The following ADPGK variants were observed in gnomAD, a reference collection of about 807,000 sequenced individuals.
The protein encoded by ADPGK is ADP dependent glucokinase, also known as ADP-dependent glucokinase.
Under a neutral mutation model 42.4 loss-of-function variants are expected in ADPGK, and 26 were observed. The observed-to-expected ratio is 0.61, with a 90% CI of 0.45 to 0.85. The LOEUF is 0.85. ADPGK is among the 40% of genes least tolerant of loss of function. The pLI, the probability that ADPGK is intolerant of heterozygous loss-of-function variation, is 0.00. For synonymous variants in ADPGK, 267 were observed against 252.6 expected (o/e 1.06, Z -0.54); for missense variants, 571 against 627.0 (o/e 0.91, Z 0.95).
intron 3 of ADPGK, among the ~76,000 whole-genome samples, chr15:72,767,325 T>A (rs1396225385): frequency 6.7e-6 from 1 of 149,842 alleles, no homozygotes; most frequent in Non-Finnish European, 1.5e-5. Flanking sequence ...TAGACAAGTA[T>A]CCAAAATTAC....
At chr15:72,779,872 C>G (rs2066435567) in intron 1 of ADPGK, among the ~76,000 whole-genome samples, 1 of 152,224 alleles carries the variant, frequency 6.6e-6, no homozygotes, top group African/African-American at 2.4e-5. Flanking sequence ...GAAGCTTCAT[C>G]TGAAATCCCA....
At chr15:72,760,831 C>T (rs2066183635) in intron 3 of ADPGK, among the ~76,000 whole-genome samples, 1 of 152,088 alleles carries the variant, frequency 6.6e-6, no homozygotes, top group Admixed American at 6.5e-5. Flanking sequence ...GCGGACTGCA[C>T]GTTTGTGTCA....
chr15:72,775,442 C>A (rs1286743446), intron 1 of ADPGK, among the ~76,000 whole-genome samples: 1 of 152,134 alleles, frequency 6.6e-6, no homozygotes, highest in Non-Finnish European at 1.5e-5. Flanking sequence ...TCATGCTGGC[C>A]GTGTGACTTG....
Position 72,752,093 on chromosome 15 carries a change from A to G in ADPGK, c.*248T>C. ...CTTAAAATACCTGATGGCGCTGCATAAACTGGGGATTTGGGAACTGAGTTT... is the reference window on the plus strand; with the variant it reads ...CTTAAAATACCTGATGGCGCTGCATGAACTGGGGATTTGGGAACTGAGTTT... On this transcript the variant is annotated 3_prime_UTR_variant, in exon 7 of 7. Coordinates refer to ENST00000456471, the MANE Select transcript of ADPGK (RefSeq NM_001365225.1). 1 of 481,948 alleles carries G rather than the reference A, an allele frequency of 2.1e-6. No homozygotes were observed. Among genetic ancestry groups the G allele is most frequent in the Non-Finnish European group, 3.7e-6 (1 of 270,832 alleles). 29.9% of individuals were successfully genotyped at this position (481,948 alleles called of 1,614,324 possible). A position where few individuals can be genotyped will look rare whatever the true frequency, so the allele number is the denominator to read the frequency against.
At chr15:72,752,970 G>T in intron 6 of ADPGK, 75 bp from the exon 7 acceptor site, 1 of 1,414,616 alleles carries the variant, frequency 7.1e-7, no homozygotes, top group South Asian at 1.4e-5. Context: ...CACAGCCAGT[G>T]ACTAAATGAC....
chr15:72,764,485 GAA>G (rs2066233844), intron 3 of ADPGK, among the ~76,000 whole-genome samples: 1 of 152,206 alleles, frequency 6.6e-6, no homozygotes, highest in Non-Finnish European at 1.5e-5. Flanking sequence ...AGCTGCAAAA[GAA>G]AAGTCAGAAG....
intron 3 of ADPGK, among the ~76,000 whole-genome samples, chr15:72,761,522 C>A (rs781594276): frequency 3.3e-5 from 5 of 152,154 alleles, no homozygotes; most frequent in Non-Finnish European, 7.3e-5. Context: ...ACCAGAGCCT[C>A]CCTCTGGCTA....
In ADPGK at chr15:72,775,651, G is replaced by A. The variant is rs1346492628; in HGVS notation, c.234-554C>T. On this transcript the variant is annotated intron_variant, in intron 1 of 6. Coordinates refer to ENST00000456471, the MANE Select transcript of ADPGK (RefSeq NM_001365225.1). ...CATCTTCCCTCTAAAAACAAATGAGGATGGTAAGATACAATAAATTCCTAA... is the reference window on the plus strand; with the variant it reads ...CATCTTCCCTCTAAAAACAAATGAGAATGGTAAGATACAATAAATTCCTAA... 2.6e-5 allele frequency among the ~76,000 whole-genome samples: 4 copies of A among 152,166 alleles called. No individual in the cohort carries two copies. The East Asian group carries it at 7.7e-4, about 29-fold the overall frequency.
intron 1 of ADPGK, chr15:72,783,066 C>T (rs1161124094): frequency 1.9e-5 from 7 of 366,426 alleles, no homozygotes; most frequent in Non-Finnish European, 2.7e-5. Context: ...CATCACGCGT[C>T]TTCAAGAAGT....
intron 1 of ADPGK, among the ~76,000 whole-genome samples, chr15:72,780,357 C>T (rs557962293): frequency 4.7e-4 from 71 of 152,246 alleles, no homozygotes; most frequent in African/African-American, 1.6e-3. Flanking sequence ...AGAACGAACT[C>T]ACTATCAGGA....
intron 6 of ADPGK, among the ~76,000 whole-genome samples, chr15:72,754,436 T>G (rs2066087480): frequency 6.6e-6 from 1 of 152,230 alleles, no homozygotes; most frequent in Non-Finnish European, 1.5e-5. Flanking sequence ...TTGTAATTAT[T>G]GCCAGTGGGA....
chr15:72,761,024 A>G (rs2151076208), intron 3 of ADPGK, among the ~76,000 whole-genome samples: 2 of 152,304 alleles, frequency 1.3e-5, no homozygotes, highest in South Asian at 4.1e-4. Flanking sequence ...CGCATGCACC[A>G]AGGACAGGAC....
At chr15:72,754,674 C>T (rs547187418) in intron 6 of ADPGK, among the ~76,000 whole-genome samples, 5 of 151,688 alleles carry the variant, frequency 3.3e-5, no homozygotes, top group South Asian at 2.1e-4. Flanking sequence ...GTTAAGTAAA[C>T]GGAGGTACAT....
At chr15:72,783,057 A>C in intron 1 of ADPGK, 1 of 286,326 alleles carries the variant, frequency 3.5e-6, no homozygotes, top group Non-Finnish European at 5.3e-6. Flanking sequence ...AAAGGCAGAC[A>C]TCACGCGTCT....
At chr15:72,775,420 G>C (rs1216641102) in intron 1 of ADPGK, among the ~76,000 whole-genome samples, 2 of 152,202 alleles carry the variant, frequency 1.3e-5, no homozygotes, top group Non-Finnish European at 2.9e-5. Context: ...CGCTGGCAGA[G>C]CCAAACAGGA....
chr15:72,752,575 T>G lies in ADPGK; in HGVS notation c.1260A>C (p.Ile420=). 1 of 1,614,214 alleles carries G rather than the reference T, an allele frequency of 6.2e-7. No homozygotes were observed. The highest frequency in any genetic ancestry group is 8.5e-7 in the Non-Finnish European group (1 of 1,180,046). ...CCCTCAGAGACACTCGGCTGGTGTCTATGGTTTCTGTGGCGCAGGCCTGTG... is the reference window on the plus strand; with the variant it reads ...CCCTCAGAGACACTCGGCTGGTGTCGATGGTTTCTGTGGCGCAGGCCTGTG... ...AGTQACATET[I]DTSRVSLRAP... is the part of the protein sequence containing the mutation. Residue 420 remains isoleucine, a synonymous_variant, in exon 7 of 7, where the codon ATA becomes ATC. Coordinates refer to ENST00000456471, the MANE Select transcript of ADPGK (RefSeq NM_001365225.1).
rs958986292 is a variant in ADPGK at position 72,752,241 on chromosome 15, C to T, written c.*100G>A. ...TGGAATGTACCTGATACAGTTTAAT[C>T]TGCTTTTATTTCTTTGGCTGTCTTC... On this transcript the variant is annotated 3_prime_UTR_variant, in exon 7 of 7. Coordinates refer to ENST00000456471, the MANE Select transcript of ADPGK (RefSeq NM_001365225.1). 4.2e-6 allele frequency: 5 copies of T among 1,201,870 alleles called. No individual in the cohort carries two copies. The Admixed American group carries it at 1.4e-4, about 33-fold the overall frequency. 74.5% of individuals were successfully genotyped at this position (1,201,870 alleles called of 1,614,324 possible). A position where few individuals can be genotyped will look rare whatever the true frequency, so the allele number is the denominator to read the frequency against.
At chr15:72,775,118 G>A in intron 1 of ADPGK, 21 bp from the exon 2 acceptor site, 2 of 1,601,818 alleles carry the variant, frequency 1.2e-6, no homozygotes, top group South Asian at 1.1e-5. Flanking sequence ...GAAAAAAACT[G>A]TGTGAAAGCA....
At chr15:72,767,491 G>A (rs1056691269) in intron 3 of ADPGK, among the ~76,000 whole-genome samples, 4 of 151,858 alleles carry the variant, frequency 2.6e-5, no homozygotes, top group African/African-American at 9.7e-5. Context: ...AAAGGCTTAT[G>A]TATATTCTTG....
Sources: gnomAD v4.1 joint callset for allele counts (sites outside exome capture counted in the v4.1 genomes callset) on GRCh38, gnomAD v4.1.1 for gene constraint, MANE v1.5 for transcripts, NCBI Gene and HGNC (gene_info 2026-07-23, HGNC 2026-07-21) for gene names.